Variants in KIAA1549L observed in about 807,000 individuals in gnomAD.
The protein encoded by KIAA1549L is KIAA1549 like.
A neutral mutation model predicts 160.7 loss-of-function variants in KIAA1549L; 88 were observed. The observed-to-expected ratio is 0.55, with a 90% CI of 0.46 to 0.65. KIAA1549L has a LOEUF of 0.65. Ranked by LOEUF, KIAA1549L falls within the 30% of genes least tolerant of loss-of-function variation. The probability of loss-of-function intolerance (pLI) is 0.00; values close to 1 mark genes in which losing one functional copy is unlikely to be tolerated. For missense variants in KIAA1549L, 2,258 were observed against 2,437.5 expected (o/e 0.93, Z 1.55); for synonymous variants, 950 against 976.7 (o/e 0.97, Z 0.51).
In KIAA1549L at chr11:33,668,393, C is replaced by G; in HGVS notation, c.*239C>G. 1 of 557,488 alleles carries G rather than the reference C, an allele frequency of 1.8e-6. No homozygotes were observed. Among genetic ancestry groups the G allele is most frequent in the Non-Finnish European group, 3.2e-6 (1 of 313,450 alleles). The allele number at this position is 557,488 out of a possible 1,614,324, so 34.5% of individuals were successfully genotyped here. On this transcript the variant is annotated 3_prime_UTR_variant, in exon 21 of 21. Coordinates refer to ENST00000658780, the MANE Select transcript of KIAA1549L (RefSeq NM_012194.3). ...CTTGGGGCCTTATGTTTGATACTCT[C>G]TCATGTCAAATGTTTGAACTTTGGG... is the stretch of plus-strand genomic sequence containing the variant.
At chr11:33,390,017 T>A (rs1850243850) in intron 1 of KIAA1549L, among the ~76,000 whole-genome samples, 1 of 152,272 alleles carries the variant, frequency 6.6e-6, no homozygotes, top group Non-Finnish European at 1.5e-5. Flanking sequence ...GATGCTATAA[T>A]TAATTGATAG....
chr11:33,479,808 G>T (rs1216919064), intron 1 of KIAA1549L, among the ~76,000 whole-genome samples: 1 of 152,114 alleles, frequency 6.6e-6, no homozygotes, highest in Non-Finnish European at 1.5e-5. Context: ...GATTTTAAAA[G>T]GGAAGAAAAG....
At chr11:33,544,422 A>C in intron 2 of KIAA1549L, 86 bp downstream of exon 2, 2 of 1,391,402 alleles carry the variant, frequency 1.4e-6, no homozygotes, top group Non-Finnish European at 2.0e-6. Context: ...CTTCAAGCTC[A>C]ACGCAGATAC....
chr11:33,426,643 C>T (rs887555214), intron 1 of KIAA1549L, among the ~76,000 whole-genome samples: 2 of 152,230 alleles, frequency 1.3e-5, no homozygotes, highest in Non-Finnish European at 2.9e-5. Flanking sequence ...AATCTGGGTA[C>T]CAACTGCTTG....
At chr11:33,601,245 A>G (rs531362469) in intron 13 of KIAA1549L, among the ~76,000 whole-genome samples, 2 of 152,308 alleles carry the variant, frequency 1.3e-5, no homozygotes, top group East Asian at 3.9e-4. Context: ...GCTTCTGTTT[A>G]CAGGTTTCTA....
intron 1 of KIAA1549L, among the ~76,000 whole-genome samples, chr11:33,506,502 G>T (rs1853092869): frequency 6.6e-6 from 1 of 152,138 alleles, no homozygotes; most frequent in Non-Finnish European, 1.5e-5. Context: ...GAGGCAGGAG[G>T]ATTTCTTGAG....
At chr11:33,501,536 G>C (rs1162357149) in intron 1 of KIAA1549L, among the ~76,000 whole-genome samples, 1 of 152,194 alleles carries the variant, frequency 6.6e-6, no homozygotes, top group African/African-American at 2.4e-5. Context: ...GAAGGAGAAG[G>C]TAACTGTTGT....
intron 1 of KIAA1549L, among the ~76,000 whole-genome samples, chr11:33,380,549 C>T (rs905661856): frequency 8.5e-5 from 13 of 152,164 alleles, no homozygotes; most frequent in Admixed American, 1.3e-4. Context: ...CTATCAGGTC[C>T]GCTTGATCCA....
intron 16 of KIAA1549L, among the ~76,000 whole-genome samples, chr11:33,621,489 A>G (rs1267088062): frequency 2.6e-5 from 4 of 152,258 alleles, no homozygotes; most frequent in Non-Finnish European, 4.4e-5. Flanking sequence ...AGACCAGATC[A>G]TATTATTAAA....
intron 6 of KIAA1549L, among the ~76,000 whole-genome samples, chr11:33,555,615 A>G (rs559292894): frequency 6.6e-6 from 1 of 152,332 alleles, no homozygotes; most frequent in South Asian, 2.1e-4. Context: ...GTGATCCCAA[A>G]AGAATGAAGT....
At chr11:33,557,988 C>CTAT (rs1409794220) in intron 6 of KIAA1549L, among the ~76,000 whole-genome samples, 1 of 152,158 alleles carries the variant, frequency 6.6e-6, no homozygotes, top group Non-Finnish European at 1.5e-5. Context: ...AAATGAAGAG[C>CTAT]TCTTCCCAAT....
chr11:33,563,707 A>G (rs1456011433), intron 8 of KIAA1549L, among the ~76,000 whole-genome samples: 3 of 152,256 alleles, frequency 2.0e-5, no homozygotes, highest in South Asian at 4.1e-4. Flanking sequence ...TTTATGCCCA[A>G]GAGAGAAACA....
intron 1 of KIAA1549L, among the ~76,000 whole-genome samples, chr11:33,402,389 A>G (rs1850521459): frequency 6.6e-6 from 1 of 152,116 alleles, no homozygotes; most frequent in Non-Finnish European, 1.5e-5. Flanking sequence ...GCCTCTACTC[A>G]GGCCCCTGTG....
intron 4 of KIAA1549L, 137 bp downstream of exon 4, chr11:33,548,016 A>G (rs1373518221): frequency 7.9e-6 from 5 of 635,270 alleles, no homozygotes; most frequent in Non-Finnish European, 1.4e-5. Context: ...CACTTTGGCA[A>G]CTAGCTAATG....
Position 33,560,031 on chromosome 11 carries a change from T to C in KIAA1549L, c.4018+120T>C, listed in dbSNP as rs955270764. On this transcript the variant is annotated intron_variant, in intron 7 of 20. Coordinates refer to ENST00000658780, the MANE Select transcript of KIAA1549L (RefSeq NM_012194.3). The stretch of plus-strand genomic sequence containing the variant: ...CTTTATCATAAAGTGACAGCTAAAA[T>C]ATGTGATGGATTAAGGTGACAGCTA... 2.0e-5 allele frequency: 19 copies of C among 946,860 alleles called. No individual in the cohort carries two copies. The African/African-American group carries it at 2.9e-4, about 15-fold the overall frequency. The allele number at this position is 946,860 out of a possible 1,614,324, so 58.7% of individuals were successfully genotyped here. A position where few individuals can be genotyped will look rare whatever the true frequency, so the allele number is the denominator to read the frequency against.
chr11:33,664,469 G>A (rs1040881969), intron 20 of KIAA1549L, among the ~76,000 whole-genome samples: 6 of 152,204 alleles, frequency 3.9e-5, no homozygotes, highest in African/African-American at 1.4e-4. Flanking sequence ...TAGAGTTTCT[G>A]AGTCATCACC....
At chr11:33,407,697 A>T (rs1850695507) in intron 1 of KIAA1549L, among the ~76,000 whole-genome samples, 2 of 152,142 alleles carry the variant, frequency 1.3e-5, no homozygotes, top group Admixed American at 1.3e-4. Context: ...CACCATTCAC[A>T]AGTACAGAGA....
intron 1 of KIAA1549L, among the ~76,000 whole-genome samples, chr11:33,420,240 T>G (rs893287941): frequency 6.7e-6 from 1 of 149,448 alleles, no homozygotes; most frequent in African/African-American, 2.5e-5. Flanking sequence ...TTTTTGTTTT[T>G]TTTTTTTTTT....
At chr11:33,407,118 T>C (rs1311166459) in intron 1 of KIAA1549L, among the ~76,000 whole-genome samples, 33 of 131,126 alleles carry the variant, frequency 2.5e-4, no homozygotes, top group Non-Finnish European at 1.1e-4. Context: ...GGAGTCTCGC[T>C]CTGTCGTCCA....
Sources: allele counts gnomAD v4.1 joint callset (sites outside exome capture counted in the v4.1 genomes callset), GRCh38; gene constraint gnomAD v4.1.1; transcripts MANE v1.5; gene names NCBI Gene and HGNC (gene_info 2026-07-23, HGNC 2026-07-21).